Variants in MME observed in about 807,000 individuals in gnomAD.
The protein encoded by MME is membrane metalloendopeptidase.
A neutral mutation model predicts 113.2 loss-of-function variants in MME; 98 were observed. That is an observed-to-expected ratio of 0.87 (90% CI 0.74 to 1.02). The LOEUF (loss-of-function observed/expected upper bound fraction) is 1.02, where lower values mean the gene tolerates loss of function less well. MME is among the 50% of genes least tolerant of loss of function. MME has a pLI of 0.00. For synonymous variants in MME, 292 were observed against 300.6 expected (o/e 0.97, Z 0.30); for missense variants, 836 against 896.0 (o/e 0.93, Z 0.86).
intron 1 of MME, among the ~76,000 whole-genome samples, chr3:155,060,886 A>C (rs548925242): frequency 2.6e-5 from 4 of 151,640 alleles, no homozygotes; most frequent in South Asian, 2.1e-4. Flanking sequence ...CTTTTGCTCT[A>C]TTCTCTTTCT....
intron 1 of MME, among the ~76,000 whole-genome samples, chr3:155,046,408 C>G (rs957533365): frequency 5.3e-5 from 8 of 152,166 alleles, no homozygotes; most frequent in Admixed American, 3.3e-4. Flanking sequence ...CCATTGCTGG[C>G]CGGGAGTGAT....
At chr3:155,134,496 T>C (rs957628039) in intron 8 of MME, among the ~76,000 whole-genome samples, 1 of 152,206 alleles carries the variant, frequency 6.6e-6, no homozygotes. Context: ...CTGCATAGTA[T>C]TCCAGGGTGT....
chr3:155,127,993 C>A (rs1719826579), intron 8 of MME, among the ~76,000 whole-genome samples: 1 of 152,222 alleles, frequency 6.6e-6, no homozygotes, highest in African/African-American at 2.4e-5. Context: ...AGCAAACACG[C>A]AGCATGCTTG....
chr3:155,058,264 G>T (rs1714007890), intron 1 of MME, among the ~76,000 whole-genome samples: 1 of 152,174 alleles, frequency 6.6e-6, no homozygotes, highest in South Asian at 2.1e-4. Flanking sequence ...GAAGTAGGAT[G>T]AACATCTCCC....
At chr3:155,093,368 T>C (rs1243756475) in intron 3 of MME, among the ~76,000 whole-genome samples, 5 of 152,114 alleles carry the variant, frequency 3.3e-5, no homozygotes, top group Non-Finnish European at 5.9e-5. Context: ...GTGTTGGAAG[T>C]CCTGTTTTCA....
chr3:155,060,348 A>C (rs1440426906), intron 1 of MME, among the ~76,000 whole-genome samples: 2 of 152,194 alleles, frequency 1.3e-5, no homozygotes, highest in Non-Finnish European at 2.9e-5. Context: ...AACTTTCAAA[A>C]GGCATTTCTA....
chr3:155,109,001 T>C (rs1366205139), intron 3 of MME, among the ~76,000 whole-genome samples: 1 of 152,148 alleles, frequency 6.6e-6, no homozygotes, highest in Non-Finnish European at 1.5e-5. Flanking sequence ...GTAACTGGAA[T>C]TTCACCATGT....
intron 16 of MME, among the ~76,000 whole-genome samples, chr3:155,157,798 G>T (rs1722424570): frequency 6.6e-6 from 1 of 152,116 alleles, no homozygotes; most frequent in South Asian, 2.1e-4. Context: ...CTACACACTA[G>T]TGCTGTGTAA....
At chr3:155,091,771 T>C (rs1348474515) in intron 3 of MME, among the ~76,000 whole-genome samples, 1 of 152,174 alleles carries the variant, frequency 6.6e-6, no homozygotes, top group Non-Finnish European at 1.5e-5. Flanking sequence ...ATAAGGAGAA[T>C]GTTGCACAAG....
chr3:155,030,927 C>T (rs891460086), intron 1 of MME, among the ~76,000 whole-genome samples: 5 of 152,130 alleles, frequency 3.3e-5, no homozygotes, highest in Admixed American at 3.3e-4. Context: ...TCCAAAAGAT[C>T]AAGAGTCATA....
At chr3:155,063,881 A>G (rs1256093021) in intron 1 of MME, among the ~76,000 whole-genome samples, 1 of 151,440 alleles carries the variant, frequency 6.6e-6, no homozygotes, top group Non-Finnish European at 1.5e-5. Flanking sequence ...TCATATGTTG[A>G]AGCCCTAACT....
chr3:155,116,436 T>G, intron 4 of MME, 43 bp from the exon 5 acceptor site: 4 of 1,351,126 alleles, frequency 3.0e-6, no homozygotes, highest in Non-Finnish European at 4.2e-6. Flanking sequence ...ATAGTGCAAA[T>G]GAGCAATTAT....
intron 3 of MME, among the ~76,000 whole-genome samples, chr3:155,086,785 T>C (rs919519907): frequency 3.3e-5 from 5 of 152,048 alleles, no homozygotes; most frequent in African/African-American, 1.2e-4. Context: ...TTAACCATTT[T>C]CTGCTGGATA....
At chr3:155,101,756 T>TTTCTGTTGCTTGTAGCTGAGAACTTC (rs1449810868) in intron 3 of MME, among the ~76,000 whole-genome samples, 52 of 152,332 alleles carry the variant, frequency 3.4e-4, no homozygotes, top group African/African-American at 1.2e-3. Flanking sequence ...GTGTGACTTA[T>TTTCTGTTGCTTGTAGCTGAGAACTTC]TTCTGTTGCT....
intron 22 of MME, among the ~76,000 whole-genome samples, chr3:155,174,325 CGTGTGTGT>C (rs3839085): frequency 0.042 from 4,637 of 110,268 alleles, 195 homozygotes; most frequent in African/African-American, 0.1. Context: ...ACAACAGAAG[CGTGTGTGT>C]GTGTGTGTGT....
At position 155,125,223 on chromosome 3, in the gene MME, C is replaced by T. The variant is rs1234569830; in HGVS notation, c.720+6412C>T. ...CCCTTTCTTTGACTTGGAAAGGGAACTCCCTGACCCCTTGCGCTTCCCAGG... is the reference window on the plus strand; with the variant it reads ...CCCTTTCTTTGACTTGGAAAGGGAATTCCCTGACCCCTTGCGCTTCCCAGG... On this transcript the variant is annotated intron_variant, in intron 8 of 22. Transcript: ENST00000360490. 2.0e-5 allele frequency among the ~76,000 whole-genome samples: 3 copies of T among 147,770 alleles called. No individual in the cohort carries two copies. In the Admixed American group the frequency reaches 2.1e-4, roughly 10 times the overall value.
chr3:155,118,742 A>C lies in MME; in HGVS notation c.655-4A>C, dbSNP rs1204705160. The C allele has an allele frequency of 6.4e-7, 1 of 1,565,640 alleles. No individual in the cohort carries two copies. Among genetic ancestry groups the C allele is most frequent in the Non-Finnish European group, 8.8e-7 (1 of 1,139,438 alleles). ...TTATTTTCTTTTATGTATATTTTTT[A>C]TAGATTGACCAACCTCGACTTGGCC... On this transcript the variant is annotated splice_region_variant and splice_polypyrimidine_tract_variant and intron_variant, in intron 7 of 22. Transcript: ENST00000360490.
Position 155,171,227 on chromosome 3 carries a change from C to G in MME, c.1981-890C>G, listed in dbSNP as rs149061864. ...ACTTTGAAAATATGTAAATTCTTAA[C>G]GTGTAATGCCTTGCCCCCCTGCTAG... is the stretch of plus-strand genomic sequence containing the variant. On this transcript the variant is annotated intron_variant, in intron 20 of 22. Coordinates refer to ENST00000360490, the MANE Select transcript of MME (RefSeq NM_007289.4). 3.8e-3 allele frequency among the ~76,000 whole-genome samples: 580 copies of G among 152,262 alleles called. 4 individuals carry two copies. The highest frequency in any genetic ancestry group is 8.4e-3 in the Admixed American group (128 of 15,300).
Position 155,151,224 on chromosome 3 carries a change from A to G in MME, c.1601+2571A>G, listed in dbSNP as rs1012363041. Among the ~76,000 whole-genome samples, 23 of 152,150 alleles carry G rather than the reference A, an allele frequency of 1.5e-4. 1 individual carries two copies. The highest frequency in any genetic ancestry group is 5.3e-4 in the African/African-American group (22 of 41,434). On this transcript the variant is annotated intron_variant, in intron 16 of 22. Coordinates refer to ENST00000360490, the MANE Select transcript of MME (RefSeq NM_007289.4). ...CCGTAGTTACATCTTAGAGAATTAC[A>G]TTTTCAGATGCTCAAGATCCTCACT...
Sources: gnomAD v4.1 joint callset for allele counts (sites outside exome capture counted in the v4.1 genomes callset) on GRCh38, gnomAD v4.1.1 for gene constraint, MANE v1.5 for transcripts, NCBI Gene and HGNC (gene_info 2026-07-23, HGNC 2026-07-21) for gene names.